MAPK11: variants seen among roughly 807,000 people sequenced by gnomAD.
MAPK11 encodes the protein MAP kinase 11.
In MAPK11, 44 loss-of-function variants were observed where a neutral mutation model predicts 52.2. The observed-to-expected ratio is 0.84, with a 90% CI of 0.66 to 1.08. The LOEUF (loss-of-function observed/expected upper bound fraction) is 1.08. MAPK11 is among the 50% of genes least tolerant of loss of function. The pLI, the probability that MAPK11 is intolerant of heterozygous loss-of-function variation, is 0.00. For synonymous variants in MAPK11, 233 were observed against 206.3 expected (o/e 1.13, Z -1.11); for missense variants, 436 against 494.7 (o/e 0.88, Z 1.13).
chr22:50,264,677 C>G lies in MAPK11; in HGVS notation c.*271G>C. On this transcript the variant is annotated 3_prime_UTR_variant, in exon 12 of 12. Transcript: ENST00000330651. The stretch of plus-strand genomic sequence containing the variant: ...GCATCTAGGACCCCACAGTCAGGTC[C>G]CAGTGGAGAGTGCAGTAGCCAGAAG... 2.6e-6 allele frequency: 1 copy of G among 388,722 alleles called. No individual in the cohort carries two copies. The allele number at this position is 388,722 out of a possible 1,614,324, so 24.1% of individuals were successfully genotyped here. A position where few individuals can be genotyped will look rare whatever the true frequency, so the allele number is the denominator to read the frequency against.
At chr22:50,266,512 C>A (rs1462775963) in intron 8 of MAPK11, 28 bp downstream of exon 8, 1 of 1,513,402 alleles carries the variant, frequency 6.6e-7, no homozygotes, top group Non-Finnish European at 8.8e-7. Context: ...CCTGTTTGAC[C>A]CTGCTCCCCA....
chr22:50,265,393 C>T lies in MAPK11; in HGVS notation c.943G>A (p.Glu315Lys), dbSNP rs745358763. Residue 315 changes from glutamate (E) to lysine (K), a missense_variant, in exon 11 of 12, where the codon GAG becomes AAG. Transcript: ENST00000330651. ...TATGGCTCGGCCTCTGGCTCATCCT[C>T]GGGGTCGTGGTACTGGCTGAAGTAG... ...HAYFSQYHDP[E>K]DEPEAEPYDE... 14 of 1,613,024 alleles carry T rather than the reference C, an allele frequency of 8.7e-6. No individual in the cohort carries two copies. The highest frequency in any genetic ancestry group is 1.3e-5 in the African/African-American group (1 of 74,928).
At position 50,266,211 on chromosome 22, in the gene MAPK11, C is replaced by A; in HGVS notation, c.762+15G>T. ...GCCAGGAGAGGGAGCTGCTGGCTGG[C>A]GGGCACCAACTCACGTGTTCTGAGG... On this transcript the variant is annotated intron_variant, in intron 9 of 11. Transcript: ENST00000330651. 2 of 1,566,542 alleles carry A rather than the reference C, an allele frequency of 1.3e-6. No individual in the cohort carries two copies. Among genetic ancestry groups the A allele is most frequent in the East Asian group, 2.3e-5 (1 of 42,906 alleles).
intron 1 of MAPK11, among the ~76,000 whole-genome samples, chr22:50,268,714 T>G (rs760516926): frequency 1.1e-4 from 16 of 152,194 alleles, no homozygotes; most frequent in Admixed American, 2.0e-4. Context: ...GATACTTGCT[T>G]CTTCTCTCCC....
At chr22:50,265,181 G>T (rs567089459) in intron 11 of MAPK11, 140 bp downstream of exon 11, 2 of 1,300,504 alleles carry the variant, frequency 1.5e-6, no homozygotes, top group Non-Finnish European at 1.1e-6. Flanking sequence ...TCACTCCTCC[G>T]CCCCGCTCCC....
chr22:50,269,762 C>CG (rs2147273224), intron 1 of MAPK11, among the ~76,000 whole-genome samples: 1 of 152,312 alleles, frequency 6.6e-6, no homozygotes, highest in South Asian at 2.1e-4. Flanking sequence ...GCCCCCAGCC[C>CG]GGGCGGGGGA....
In MAPK11 at chr22:50,263,825, C is replaced by T. The variant is rs2147266212; in HGVS notation, c.*1123G>A. ...CCTTTCCAGGGCAGAGCCACACCCC[C>T]AACTCAGCTCTGGGCAGGGTCCCGT... On this transcript the variant is annotated 3_prime_UTR_variant, in exon 12 of 12. Coordinates refer to ENST00000330651, the MANE Select transcript of MAPK11 (RefSeq NM_002751.7). 6.6e-6 allele frequency: 1 copy of T among 152,602 alleles called. No homozygotes were observed. Among genetic ancestry groups the T allele is most frequent in the East Asian group, 1.9e-4 (1 of 5,198 alleles). The allele number at this position is 152,602 out of a possible 1,614,324, so 9.5% of individuals were successfully genotyped here.
chr22:50,265,445 G>A lies in MAPK11; in HGVS notation c.891C>T (p.Val297=). Residue 297 remains valine, a synonymous_variant, in exon 11 of 12, where the codon GTC becomes GTT. Transcript: ENST00000330651. ...RMLVLDSDQR[V]SAAEALAHAY... ...CGTGGGCCAGTGCCTCAGCTGCACT[G>A]ACCCTCTGGTCACTGTCCAGCACCA... is the stretch of plus-strand genomic sequence containing the variant. 1 of 1,613,152 alleles carries A rather than the reference G, an allele frequency of 6.2e-7. No individual in the cohort carries two copies. The highest frequency in any genetic ancestry group is 8.5e-7 in the Non-Finnish European group (1 of 1,180,008).
Position 50,264,046 on chromosome 22 carries a change from A to ACCAC in MAPK11, c.*898_*901dup, listed in dbSNP as rs1376197046. 7 of 151,458 alleles carry ACCAC rather than the reference A, an allele frequency of 4.6e-5. No individual in the cohort carries two copies. The allele number at this position is 151,458 out of a possible 1,614,324, so 9.4% of individuals were successfully genotyped here. On this transcript the variant is annotated 3_prime_UTR_variant, in exon 12 of 12. Coordinates refer to ENST00000330651, the MANE Select transcript of MAPK11 (RefSeq NM_002751.7). ...CCTGCCCTAGCGTCCTCAAGGCCAA[A>ACCAC]CCACCCACCCACCCACCCCCAGCCT...
In MAPK11 at chr22:50,264,367, C is replaced by T. The variant is rs61760602; in HGVS notation, c.*581G>A. 0.014 allele frequency: 2,130 copies of T among 153,926 alleles called. 62 individuals carry two copies. The highest frequency in any genetic ancestry group is 0.049 in the African/African-American group (2,020 of 41,586). The allele number at this position is 153,926 out of a possible 1,614,324, so 9.5% of individuals were successfully genotyped here. ...CACACCCACGGGTGAACACAAGACT[C>T]CAGGCAGCTTTTCTCATTTGACACC... On this transcript the variant is annotated 3_prime_UTR_variant, in exon 12 of 12. Transcript: ENST00000330651.
In MAPK11 at chr22:50,267,963, G is replaced by A. The variant is rs1015785436; in HGVS notation, c.117-14C>T. ...TCGTAGGCCGAACTGGAAGGCGGGC[G>A]AGTGAGGCGGCGCCGGGAGGGGTCC... On this transcript the variant is annotated splice_polypyrimidine_tract_variant and intron_variant, in intron 1 of 11. Coordinates refer to ENST00000330651, the MANE Select transcript of MAPK11 (RefSeq NM_002751.7). 9 of 1,539,412 alleles carry A rather than the reference G, an allele frequency of 5.8e-6. No individual in the cohort carries two copies. The highest frequency in any genetic ancestry group is 7.9e-6 in the Non-Finnish European group (9 of 1,145,300).
In MAPK11 at chr22:50,267,242, T is replaced by C; in HGVS notation, c.447+15A>G. The stretch of plus-strand genomic sequence containing the variant: ...GCCCTGCTGGACCCGACCCTCACCC[T>C]GCGGTCGCACCTACCCGGTGGATGA... On this transcript the variant is annotated intron_variant, in intron 5 of 11. Coordinates refer to ENST00000330651, the MANE Select transcript of MAPK11 (RefSeq NM_002751.7). 6.2e-7 allele frequency: 1 copy of C among 1,607,886 alleles called. No individual in the cohort carries two copies. Among genetic ancestry groups the C allele is most frequent in the Non-Finnish European group, 8.5e-7 (1 of 1,178,656 alleles).
intron 8 of MAPK11, 90 bp downstream of exon 8, chr22:50,266,450 G>C: frequency 7.1e-7 from 1 of 1,412,208 alleles, no homozygotes; most frequent in Non-Finnish European, 9.6e-7. Context: ...GGGCAGAGGA[G>C]GCAAGACCCG....
At chr22:50,265,283 A>C in intron 11 of MAPK11, 38 bp downstream of exon 11, 1 of 1,604,110 alleles carries the variant, frequency 6.2e-7, no homozygotes, top group Non-Finnish European at 8.5e-7. Flanking sequence ...TGGAGCCCGC[A>C]GGCCCCTGGA....
At position 50,267,580 on chromosome 22, in the gene MAPK11, G is replaced by A. The variant is rs1348863940; in HGVS notation, c.294C>T (p.Asp98=). 1 of 1,547,454 alleles carries A rather than the reference G, an allele frequency of 6.5e-7. No individual in the cohort carries two copies. The highest frequency in any genetic ancestry group is 8.7e-7 in the Non-Finnish European group (1 of 1,145,898). The change falls in exon 3 of 12, where the codon GAC becomes GAT. Residue 98 remains aspartate, a synonymous_variant. Coordinates refer to ENST00000330651, the MANE Select transcript of MAPK11 (RefSeq NM_002751.7). ...GCCCCGCCGCTCACACTTCGCTGAA[G>A]TCCTCGATGGACGTGGCCGGCGTGA... is the stretch of plus-strand genomic sequence containing the variant. The part of the protein sequence containing the change: ...DVFTPATSIE[D]FSEVYLVTTL...
chr22:50,268,122 G>T (rs1195809090), intron 1 of MAPK11, among the ~76,000 whole-genome samples, 173 bp from the exon 2 acceptor site: 4 of 152,098 alleles, frequency 2.6e-5, no homozygotes, highest in Non-Finnish European at 5.9e-5. Context: ...TACCCACTCC[G>T]CGCTTGCTGG....
intron 1 of MAPK11, 85 bp from the exon 2 acceptor site, chr22:50,268,034 G>T: frequency 1.4e-6 from 2 of 1,380,114 alleles, no homozygotes; most frequent in Non-Finnish European, 1.9e-6. Flanking sequence ...CCCTCTCGCC[G>T]CTTCTCCGTG....
chr22:50,266,598 G>T lies in MAPK11; in HGVS notation c.624C>A (p.Ser208=). The change falls in exon 8 of 12, where the codon TCC becomes TCA. Residue 208 remains serine (S), a synonymous_variant. Transcript: ENST00000330651. ...GCAGCTCAGCCATGATGCAGCCCAC[G>T]GACCAGATATCCACTGTGCGAGGGC... ...MHYNQTVDIW[S]VGCIMAELLQ... is the part of the protein sequence containing the mutation. 6.5e-7 allele frequency: 1 copy of T among 1,531,384 alleles called. No individual in the cohort carries two copies. 94.9% of individuals were successfully genotyped at this position (1,531,384 alleles called of 1,614,324 possible). A position where few individuals can be genotyped will look rare whatever the true frequency, so the allele number is the denominator to read the frequency against.
rs887829732 is a variant in MAPK11 at position 50,266,619 on chromosome 22, A to G, written c.611-8T>C. On this transcript the variant is annotated splice_polypyrimidine_tract_variant and splice_region_variant and intron_variant, in intron 7 of 11. Transcript: ENST00000330651. Reference sequence around the variant, plus strand: ...CCACGGACCAGATATCCACTGTGCGAGGGCGAGGGGACCTCCATCAGTGTG... The same window carrying G: ...CCACGGACCAGATATCCACTGTGCGGGGGCGAGGGGACCTCCATCAGTGTG... 1 of 1,561,654 alleles carries G rather than the reference A, an allele frequency of 6.4e-7. No individual in the cohort carries two copies. Among genetic ancestry groups the G allele is most frequent in the South Asian group, 1.2e-5 (1 of 83,660 alleles).
Sources: gnomAD v4.1 joint callset for allele counts (sites outside exome capture counted in the v4.1 genomes callset) on GRCh38, gnomAD v4.1.1 for gene constraint, MANE v1.5 for transcripts, NCBI Gene and HGNC (gene_info 2026-07-23, HGNC 2026-07-21) for gene names.